Variants in RAI1 observed in about 807,000 individuals in gnomAD.
The protein encoded by RAI1 is retinoic acid induced 1, also known as retinoic acid-induced protein 1.
A neutral mutation model predicts 123.8 loss-of-function variants in RAI1; 9 were observed. The observed-to-expected ratio is 0.07, with a 90% CI of 0.04 to 0.13. The LOEUF is 0.13. Ranked by LOEUF, RAI1 falls within the 10% of genes least tolerant of loss-of-function variation. The pLI is 1.00. For missense variants in RAI1, 2,256 were observed against 2,545.8 expected (o/e 0.89, Z 2.45); for synonymous variants, 1,231 against 1,127.3 (o/e 1.09, Z -1.84).
chr17:17,785,248 T>C (rs2142999852), intron 2 of RAI1, among the ~76,000 whole-genome samples: 1 of 152,382 alleles, frequency 6.6e-6, no homozygotes, highest in South Asian at 2.1e-4. Context: ...GGCTGTTGCA[T>C]GCATCCTGGC....
In RAI1 at chr17:17,793,185, C is replaced by G; in HGVS notation, c.237C>G (p.His79Gln). 6.2e-7 allele frequency: 1 copy of G among 1,613,048 alleles called. No individual in the cohort carries two copies. The highest frequency in any genetic ancestry group is 8.5e-7 in the Non-Finnish European group (1 of 1,179,820). ...CCGCGGTGGCCGCCGACAAGTACCA[C>G]CGAGGCAGCAAGGCCCTGCCCACAC... ...TAAAVAADKYHRGSKALPTQQ... is the reference protein window; with the variant it reads ...TAAAVAADKYQRGSKALPTQQ... The change falls in exon 3 of 6, where the codon CAC (histidine) becomes CAG (glutamine). Residue 79 changes from histidine (H) to glutamine (Q), a missense_variant. Physicochemically the swap from His to Gln is conservative, Grantham distance 24. Around this residue, in one of 7 missense-constraint regions of RAI1, gnomAD observed 336 missense variants for 349.8 expected, o/e 0.96. Coordinates refer to ENST00000353383, the MANE Select transcript of RAI1 (RefSeq NM_030665.4).
At chr17:17,804,142 A>G in intron 4 of RAI1, 1 of 469,970 alleles carries the variant, frequency 2.1e-6, no homozygotes, top group East Asian at 4.1e-5. Context: ...CATCATTGCC[A>G]AGGGGCAGGG....
At chr17:17,722,958 C>T (rs1321430312) in intron 1 of RAI1, among the ~76,000 whole-genome samples, 2 of 152,142 alleles carry the variant, frequency 1.3e-5, no homozygotes, top group African/African-American at 2.4e-5. Context: ...GGAGGACTAA[C>T]CCCCACCCGC....
chr17:17,769,103 G>A (rs761613630), intron 2 of RAI1, among the ~76,000 whole-genome samples: 6 of 152,218 alleles, frequency 3.9e-5, no homozygotes, highest in Non-Finnish European at 8.8e-5. Flanking sequence ...GGCTGACAAA[G>A]GCCACTCTGC....
At chr17:17,780,082 T>TTTTTA (rs71152902) in intron 2 of RAI1, among the ~76,000 whole-genome samples, 1 of 110,960 alleles carries the variant, frequency 9.0e-6, no homozygotes, top group South Asian at 3.2e-4. Flanking sequence ...GGCTTTTTTT[T>TTTTTA]AAGACAAGAG....
At chr17:17,768,039 C>T (rs2031007603) in intron 2 of RAI1, among the ~76,000 whole-genome samples, 3 of 152,224 alleles carry the variant, frequency 2.0e-5, no homozygotes, top group Admixed American at 2.0e-4. Context: ...AAGTGGAACT[C>T]TTAGCATATA....
chr17:17,681,931 G>A (rs1448826025), intron 1 of RAI1, 138 bp downstream of exon 1: 2 of 228,084 alleles, frequency 8.8e-6, no homozygotes, highest in East Asian at 8.2e-5. Flanking sequence ...GGGTGGAGAT[G>A]TGGGGTCCGC....
intron 1 of RAI1, among the ~76,000 whole-genome samples, chr17:17,705,680 C>A (rs192205254): frequency 6.6e-6 from 1 of 151,978 alleles, no homozygotes; most frequent in South Asian, 2.1e-4. Context: ...GAGCTGAGAT[C>A]GCACCACTCT....
rs143901811 is a variant in RAI1 at position 17,786,116 on chromosome 17, C to T, written c.-16-6817C>T. On this transcript the variant is annotated intron_variant, in intron 2 of 5. Transcript: ENST00000353383. Reference sequence around the variant, plus strand: ...CTGGTGCTGAGAGGGGCTGCTGCTGCCCCTCCCCCCCCACTTTATTTGGGA... The same window carrying T: ...CTGGTGCTGAGAGGGGCTGCTGCTGTCCCTCCCCCCCCACTTTATTTGGGA... 5.2e-3 allele frequency among the ~76,000 whole-genome samples: 795 copies of T among 152,110 alleles called. 29 individuals are homozygous for T. The East Asian group carries it at 0.092, about 18-fold the overall frequency.
chr17:17,681,612 C>A lies in RAI1; in HGVS notation c.-330C>A, dbSNP rs1598006514. The stretch of plus-strand genomic sequence containing the variant: ...CAGCGAGGGCGAGAGGCGAGCCGAG[C>A]AGGCCGCCCTGCCCGCGGCCCTAGC... On this transcript the variant is annotated 5_prime_UTR_variant, in exon 1 of 6. Coordinates refer to ENST00000353383, the MANE Select transcript of RAI1 (RefSeq NM_030665.4). 5 of 204,444 alleles carry A rather than the reference C, an allele frequency of 2.4e-5. No homozygotes were observed. In the East Asian group the frequency reaches 4.9e-4, roughly 20 times the overall value. 12.7% of individuals were successfully genotyped at this position (204,444 alleles called of 1,614,324 possible). A position where few individuals can be genotyped will look rare whatever the true frequency, so the allele number is the denominator to read the frequency against.
chr17:17,788,726 CTT>C lies in RAI1; in HGVS notation c.-16-4205_-16-4204del, dbSNP rs2031914788. On this transcript the variant is annotated intron_variant, in intron 2 of 5. Coordinates refer to ENST00000353383, the MANE Select transcript of RAI1 (RefSeq NM_030665.4). ...GGATCAGGAAGCCCCCAGTCCGTTTCTTTCTCCCTCTCTCCCTGCCTCCCCTC... is the reference window on the plus strand; with the variant it reads ...GGATCAGGAAGCCCCCAGTCCGTTTCTCTCCCTCTCTCCCTGCCTCCCCTC... Among the ~76,000 whole-genome samples, 3 of 152,134 alleles carry C rather than the reference CTT, an allele frequency of 2.0e-5. No homozygotes were observed. The South Asian group carries it at 6.2e-4, about 32-fold the overall frequency.
intron 2 of RAI1, among the ~76,000 whole-genome samples, chr17:17,734,268 C>T (rs1451269897): frequency 6.8e-6 from 1 of 147,866 alleles, no homozygotes; most frequent in African/African-American, 2.4e-5. Flanking sequence ...TAGCGAGACC[C>T]TCTCTCTACA....
intron 2 of RAI1, among the ~76,000 whole-genome samples, chr17:17,744,323 G>A (rs1283449190): frequency 6.6e-6 from 1 of 152,184 alleles, no homozygotes; most frequent in African/African-American, 2.4e-5. Context: ...CTGTAAAGTG[G>A]GTCCAGCCAT....
At chr17:17,765,939 G>A (rs910863237) in intron 2 of RAI1, 1 of 152,230 alleles carries the variant, frequency 6.6e-6, no homozygotes, top group African/African-American at 2.4e-5. Context: ...GGGCTTCTTG[G>A]GAGCTGCCCC....
chr17:17,794,346 G>C lies in RAI1; in HGVS notation c.1398G>C (p.Lys466Asn), dbSNP rs2032147057. ...CTGTGCCGCAGAAGAAAGGTGTCAA[G>C]AACCTCGTGTCCAGGACCCCAGAGC... ...KAAVPQKKGV[K>N]NLVSRTPEQH... Residue 466 changes from lysine (K) to asparagine (N), a missense_variant, in exon 3 of 6, where the codon AAG becomes AAC. Coordinates refer to ENST00000353383, the MANE Select transcript of RAI1 (RefSeq NM_030665.4). The C allele has an allele frequency of 6.2e-7, 1 of 1,613,106 alleles. No homozygotes were observed. The highest frequency in any genetic ancestry group is 1.7e-5 in the Admixed American group (1 of 60,012).
In RAI1 at chr17:17,799,820, C is replaced by T. The variant is rs1482992929; in HGVS notation, c.5565+1307C>T. 1.3e-5 allele frequency among the ~76,000 whole-genome samples: 2 copies of T among 152,196 alleles called. No homozygotes were observed. Among genetic ancestry groups the T allele is most frequent in the Admixed American group, 6.5e-5 (1 of 15,288 alleles). On this transcript the variant is annotated intron_variant, in intron 3 of 5. Transcript: ENST00000353383. The surrounding 1 kb of genome is among the most constrained non-coding windows in gnomAD (Gnocchi z 4.5). ...CGCTGCACTGCCCACCTGCTCCTCG[C>T]AGTACACCCCTGCAGCCCCTCTGAG...
Position 17,713,774 on chromosome 17 carries a change from C to T in RAI1, c.-148-10254C>T, listed in dbSNP as rs187765725. Among the ~76,000 whole-genome samples, 12 of 152,298 alleles carry T rather than the reference C, an allele frequency of 7.9e-5. No individual in the cohort carries two copies. The East Asian group carries it at 2.3e-3, about 29-fold the overall frequency. ...TCAATTTTTAAAACTTAAAAGTAGGCATTTCTCTCTAAAATCATAAAGACT... is the reference window on the plus strand; with the variant it reads ...TCAATTTTTAAAACTTAAAAGTAGGTATTTCTCTCTAAAATCATAAAGACT... On this transcript the variant is annotated intron_variant, in intron 1 of 5. Transcript: ENST00000353383.
rs773438062 is a variant in RAI1, at chr17:17,793,354, G to T, written c.406G>T (p.Ala136Ser). The change falls in exon 3 of 6, where the codon GCA becomes TCA. Residue 136 changes from alanine (A) to serine (S), a missense_variant. Physicochemically the swap from Ala to Ser is moderately conservative, Grantham distance 99. Transcript: ENST00000353383. Reference sequence around the variant, plus strand: ...ACCCCCACAGCCGCAGCCACTACCTGCAGGGGTGGCCAAGTATGATGAGAA... The same window carrying T: ...ACCCCCACAGCCGCAGCCACTACCTTCAGGGGTGGCCAAGTATGATGAGAA... ...PPPPQPQPLP[A>S]GVAKYDENLM... 2 of 1,612,900 alleles carry T rather than the reference G, an allele frequency of 1.2e-6. No homozygotes were observed. Among genetic ancestry groups the T allele is most frequent in the South Asian group, 1.1e-5 (1 of 91,076 alleles).
chr17:17,682,824 C>G (rs979274845), intron 1 of RAI1, among the ~76,000 whole-genome samples: 2 of 151,990 alleles, frequency 1.3e-5, no homozygotes, highest in African/African-American at 4.8e-5. Context: ...TGCCGCGGTG[C>G]TCTCCTGCGC....
Sources: allele counts gnomAD v4.1 joint callset (sites outside exome capture counted in the v4.1 genomes callset), GRCh38; gene constraint gnomAD v4.1.1; regional missense constraint gnomAD v4.1.1; non-coding constraint Gnocchi (gnomAD v3.1); transcripts MANE v1.5; gene names NCBI Gene and HGNC (gene_info 2026-07-23, HGNC 2026-07-21).